The following AK3 variants were observed in gnomAD, a reference collection of about 807,000 sequenced individuals.
AK3 encodes GTP:AMP phosphotransferase AK3, mitochondrial.
AK3 carries 27 observed loss-of-function variants against 23.7 expected under a neutral mutation model. That is an observed-to-expected ratio of 1.14 (90% confidence interval 0.84 to 1.57). The LOEUF (loss-of-function observed/expected upper bound fraction) is 1.57, where lower values mean the gene tolerates loss of function less well. Among genes scored for constraint, AK3 ranks in the 40% most tolerant of loss-of-function variants. The pLI, the probability that AK3 is intolerant of heterozygous loss-of-function variation, is 0.00. For synonymous variants in AK3, 159 were observed against 116.0 expected, an observed-to-expected ratio of 1.37 and a Z score of -2.38; for missense variants, 406 against 285.6, an observed-to-expected ratio of 1.42 and a Z score of -3.04.
chr9:4,737,991 A>G (rs974594890), intron 1 of AK3, among the ~76,000 whole-genome samples: 2 of 152,226 alleles, frequency 1.3e-5, no homozygotes, highest in African/African-American at 4.8e-5. Flanking sequence ...GTATTATTTG[A>G]TAGTACCATA....
Position 4,741,021 on chromosome 9 carries a change from C to T in AK3, c.67G>A (p.Val23Met). ...AAGTGTGTAGTGATGCGCGACGACA[C>T]GGTGCCCTTGCCCGAGCCCGGGGCC... is the stretch of plus-strand genomic sequence containing the variant. ...MGAPGSGKGT[V>M]SSRITTHFEL... Residue 23 changes from valine (V) to methionine (M), a missense_variant, in exon 1 of 5, where the codon GTG becomes ATG. By Grantham distance (21) the Val-to-Met change is conservative. Transcript: ENST00000381809. The T allele has an allele frequency of 6.3e-7, 1 of 1,589,830 alleles. No individual in the cohort carries two copies. Among genetic ancestry groups the T allele is most frequent in the Non-Finnish European group, 8.5e-7 (1 of 1,170,200 alleles).
chr9:4,725,385 A>G (rs1842000554), intron 1 of AK3, among the ~76,000 whole-genome samples: 1 of 152,198 alleles, frequency 6.6e-6, no homozygotes, highest in Non-Finnish European at 1.5e-5. Context: ...GTTTCTAGAT[A>G]AAAAACCAAG....
rs546746596 is a variant in AK3 at position 4,722,828 on chromosome 9, G to A, written c.152-203C>T. Among the ~76,000 whole-genome samples, 171 of 152,288 alleles carry A rather than the reference G, an allele frequency of 1.1e-3. 1 individual carries two copies. Among genetic ancestry groups the A allele is most frequent in the African/African-American group, 3.8e-3 (158 of 41,550 alleles). The stretch of plus-strand genomic sequence containing the variant: ...CCCCAGCACTTTGGGAGGCCCAGGC[G>A]GGTAGATCACCTGAGGACAGGAGTT... On this transcript the variant is annotated intron_variant, in intron 1 of 4. Coordinates refer to ENST00000381809, the MANE Select transcript of AK3 (RefSeq NM_016282.4).
chr9:4,722,982 A>C (rs1340032884), intron 1 of AK3, among the ~76,000 whole-genome samples: 3 of 152,106 alleles, frequency 2.0e-5, no homozygotes, highest in Non-Finnish European at 4.4e-5. Context: ...GAGACGGGGG[A>C]ATCGCTTGAA....
chr9:4,736,480 A>G (rs1587660749), intron 1 of AK3, among the ~76,000 whole-genome samples: 1 of 110,892 alleles, frequency 9.0e-6, no homozygotes, highest in Non-Finnish European at 2.0e-5. Context: ...TCCAAAAAAA[A>G]AAAAAAACAA....
chr9:4,724,955 A>C (rs1841988086), intron 1 of AK3, among the ~76,000 whole-genome samples: 1 of 151,964 alleles, frequency 6.6e-6, no homozygotes, highest in East Asian at 1.9e-4. Flanking sequence ...TTAGACCTCT[A>C]CCATGCATAA....
chr9:4,741,365 C>A (rs1048272093), upstream of AK3: 19 of 328,186 alleles, frequency 5.8e-5, no homozygotes, highest in African/African-American at 3.9e-4. Flanking sequence ...AAGCCGCGCC[C>A]CCTCTGCGCT....
rs1842248435 is a variant in AK3 at position 4,735,294 on chromosome 9, T to TATATATACATAAATAA, written c.151+5642_151+5643insTTATTTATGTATATAT. Among the ~76,000 whole-genome samples, 2 of 18,582 alleles carry TATATATACATAAATAA rather than the reference T, an allele frequency of 1.1e-4. 1 individual carries two copies. Among genetic ancestry groups the TATATATACATAAATAA allele is most frequent in the African/African-American group, 3.2e-4 (2 of 6,348 alleles). The allele number at this position is 18,582 out of a possible 152,430, so 12.2% of individuals were successfully genotyped here. The stretch of plus-strand genomic sequence containing the variant: ...ATATAAATATATATACATATATAAA[T>TATATATACATAAATAA]ATATATATACATATATAAATATATA... On this transcript the variant is annotated intron_variant, in intron 1 of 4. Transcript: ENST00000381809.
chr9:4,713,982 A>ATATACACG (rs1563780952), intron 4 of AK3, among the ~76,000 whole-genome samples: 2 of 5,356 alleles, frequency 3.7e-4, no homozygotes, highest in African/African-American at 8.2e-4. Context: ...ACATTTACAC[A>ATATACACG]CCTACACATA....
At chr9:4,722,967 G>A (rs186334413) in intron 1 of AK3, among the ~76,000 whole-genome samples, 1 of 152,202 alleles carries the variant, frequency 6.6e-6, no homozygotes, top group African/African-American at 2.4e-5. Flanking sequence ...CTTGAACCCA[G>A]GTGGGAGACG....
intron 2 of AK3, among the ~76,000 whole-genome samples, chr9:4,719,638 ATT>A (rs1841839716): frequency 1.3e-5 from 2 of 152,184 alleles, no homozygotes; most frequent in Admixed American, 1.3e-4. Flanking sequence ...TATCTAATCA[ATT>A]TTAAGGCCTG....
intron 1 of AK3, among the ~76,000 whole-genome samples, chr9:4,735,787 GAA>G (rs1554628330): frequency 1.3e-5 from 1 of 77,034 alleles, no homozygotes; most frequent in Non-Finnish European, 2.9e-5. Context: ...ATTTTAAAAA[GAA>G]AAAAATTTTA....
chr9:4,717,137 C>T (rs1039465947), intron 4 of AK3, among the ~76,000 whole-genome samples: 4 of 152,082 alleles, frequency 2.6e-5, no homozygotes, highest in African/African-American at 9.7e-5. Context: ...AGAGGTTAAG[C>T]AGAAGGTGAA....
chr9:4,713,986 A>C (rs62544261), intron 4 of AK3, among the ~76,000 whole-genome samples: 62 of 832 alleles, frequency 0.075, no homozygotes, highest in East Asian at 0.15. Flanking sequence ...TTACACACCT[A>C]CACATATACG....
intron 1 of AK3, among the ~76,000 whole-genome samples, chr9:4,734,939 C>G (rs1842235150): frequency 6.6e-6 from 1 of 152,092 alleles, no homozygotes; most frequent in South Asian, 2.1e-4. Context: ...TATGAAATGT[C>G]CAGTACAGAA....
Position 4,712,070 on chromosome 9 carries a change from T to C in AK3, c.*906A>G, listed in dbSNP as rs1403732034. Reference sequence around the variant, plus strand: ...TTTCTCTTTTTTCTTCTCTTTTTTATTGGCGGGGGAGATGGTACTATAACT... The same window carrying C: ...TTTCTCTTTTTTCTTCTCTTTTTTACTGGCGGGGGAGATGGTACTATAACT... On this transcript the variant is annotated 3_prime_UTR_variant, in exon 5 of 5. Transcript: ENST00000381809. The C allele has an allele frequency of 1.3e-5, 2 of 152,182 alleles. No individual in the cohort carries two copies. Among genetic ancestry groups the C allele is most frequent in the Non-Finnish European group, 2.9e-5 (2 of 68,026 alleles). 9.4% of individuals were successfully genotyped at this position (152,182 alleles called of 1,614,324 possible). A position where few individuals can be genotyped will look rare whatever the true frequency, so the allele number is the denominator to read the frequency against.
chr9:4,715,047 C>T (rs1045897744), intron 4 of AK3, among the ~76,000 whole-genome samples: 3 of 151,782 alleles, frequency 2.0e-5, no homozygotes, highest in Middle Eastern at 3.4e-3. Flanking sequence ...GGCGAAACCC[C>T]GTCTCTACTA....
At position 4,709,970 on chromosome 9, in the gene AK3, G is replaced by C. The variant is rs1841507848; in HGVS notation, c.*3006C>G. 1 of 152,088 alleles carries C rather than the reference G, an allele frequency of 6.6e-6. No individual in the cohort carries two copies. The highest frequency in any genetic ancestry group is 2.4e-5 in the African/African-American group (1 of 41,394). The allele number at this position is 152,088 out of a possible 1,614,324, so 9.4% of individuals were successfully genotyped here. ...TTAGTATAGGGCAGTTTTGTCACAA[G>C]TTATGAGGATCCAAAATATCTTGCT... On this transcript the variant is annotated 3_prime_UTR_variant, in exon 5 of 5. Transcript: ENST00000381809.
At chr9:4,725,199 T>G (rs1203332702) in intron 1 of AK3, among the ~76,000 whole-genome samples, 2 of 151,812 alleles carry the variant, frequency 1.3e-5, no homozygotes, top group Non-Finnish European at 2.9e-5. Context: ...AATTTTTGTA[T>G]TTTTAGTAGA....
Sources: allele counts gnomAD v4.1 joint callset (sites outside exome capture counted in the v4.1 genomes callset), GRCh38; gene constraint gnomAD v4.1.1; transcripts MANE v1.5; gene names NCBI Gene and HGNC (gene_info 2026-07-23, HGNC 2026-07-21).